Variants in SRPK2 observed in about 807,000 individuals in gnomAD.
The protein encoded by SRPK2 is SRSF protein kinase 2.
A neutral mutation model predicts 90.8 loss-of-function variants in SRPK2; 21 were observed. The ratio of observed to expected loss-of-function variants is 0.23; its 90% CI spans 0.16 to 0.33. The LOEUF (loss-of-function observed/expected upper bound fraction) is 0.33. Ranked by LOEUF, SRPK2 falls within the 10% of genes least tolerant of loss-of-function variation. The pLI, the probability that SRPK2 is intolerant of heterozygous loss-of-function variation, is 1.00. For synonymous variants in SRPK2, 288 were observed against 311.1 expected (o/e 0.93, Z 0.78); for missense variants, 620 against 869.0 (o/e 0.71, Z 3.60).
intron 3 of SRPK2, among the ~76,000 whole-genome samples, chr7:105,178,853 G>A (rs970411591): frequency 6.6e-6 from 1 of 151,844 alleles, no homozygotes; most frequent in South Asian, 2.1e-4. Flanking sequence ...TTACTTAAGG[G>A]TAAGATAAAT....
chr7:105,337,289 C>T (rs1428499345), intron 2 of SRPK2, among the ~76,000 whole-genome samples: 1 of 151,252 alleles, frequency 6.6e-6, no homozygotes, highest in Non-Finnish European at 1.5e-5. Flanking sequence ...TAGAGGAAGG[C>T]ATCAATGATA....
intron 7 of SRPK2, among the ~76,000 whole-genome samples, chr7:105,149,440 C>T (rs1002609966): frequency 1.3e-5 from 2 of 151,834 alleles, no homozygotes; most frequent in Admixed American, 6.6e-5. Flanking sequence ...TCACCCTGCC[C>T]TCCTACTACA....
chr7:105,385,993 G>A (rs1395774557), intron 2 of SRPK2, among the ~76,000 whole-genome samples: 1 of 152,132 alleles, frequency 6.6e-6, no homozygotes, highest in Non-Finnish European at 1.5e-5. Context: ...CCCAAGGTTA[G>A]CTTTGCAAGG....
intron 2 of SRPK2, among the ~76,000 whole-genome samples, chr7:105,291,994 A>G (rs545314206): frequency 1.1e-4 from 17 of 152,262 alleles, no homozygotes; most frequent in African/African-American, 4.1e-4. Context: ...GCAAAATGGA[A>G]TGCTGTTTAT....
intron 2 of SRPK2, among the ~76,000 whole-genome samples, chr7:105,331,685 G>T (rs1233728514): frequency 6.6e-6 from 1 of 152,104 alleles, no homozygotes; most frequent in Admixed American, 6.5e-5. Context: ...TCACCTCACA[G>T]AACTGAAATC....
chr7:105,143,006 C>G, intron 10 of SRPK2, 78 bp downstream of exon 10: 1 of 1,533,830 alleles, frequency 6.5e-7, no homozygotes, highest in South Asian at 1.3e-5. Context: ...CACAAATCAG[C>G]CCCCATGTTG....
rs371054363 is a variant in SRPK2 at position 105,259,609 on chromosome 7, G to A, written c.72-55824C>T. Among the ~76,000 whole-genome samples the A allele has an allele frequency of 2.2e-4, 33 of 152,264 alleles. 1 individual carries two copies. The East Asian group carries it at 3.7e-3, about 17-fold the overall frequency. ...CCTAAGCAAAAAGAACAAAGCTGGA[G>A]GCATCACACTACCTGACTTCAAACT... On this transcript the variant is annotated intron_variant, in intron 2 of 15. Transcript: ENST00000393651.
At chr7:105,331,337 A>AAAAAAAAAAAAAAAAAAAAAC (rs1554512429) in intron 2 of SRPK2, among the ~76,000 whole-genome samples, 6 of 141,828 alleles carry the variant, frequency 4.2e-5, no homozygotes, top group Non-Finnish European at 7.6e-5. Context: ...AAAAAAAAAA[A>AAAAAAAAAAAAAAAAAAAAAC]CAAATAGTTA....
Position 105,248,971 on chromosome 7 carries a change from G to A in SRPK2, c.72-45186C>T, listed in dbSNP as rs537383158. ...AAGGTTAAACCAGGCTGGTCTAGGA[G>A]AGGGTGGAAAATAACAAAACTGTCA... On this transcript the variant is annotated intron_variant, in intron 2 of 15. Coordinates refer to ENST00000393651, the MANE Select transcript of SRPK2 (RefSeq NM_182692.3). Among the ~76,000 whole-genome samples the A allele has an allele frequency of 3.9e-5, 6 of 152,002 alleles. No homozygotes were observed. In the South Asian group the frequency reaches 1.2e-3, roughly 32 times the overall value.
intron 2 of SRPK2, among the ~76,000 whole-genome samples, chr7:105,247,886 T>C (rs1247542834): frequency 6.6e-6 from 1 of 151,698 alleles, no homozygotes; most frequent in South Asian, 2.1e-4. Flanking sequence ...TTTTTTTTTT[T>C]TGAGACAGAG....
In SRPK2 at chr7:105,143,014, T is replaced by C. The variant is rs547669666; in HGVS notation, c.1060+70A>G. The stretch of plus-strand genomic sequence containing the variant: ...GCAGCAGCACAAATCAGCCCCCATG[T>C]TGACCTGGCAGAACCCTACTAATGG... On this transcript the variant is annotated intron_variant, in intron 10 of 15. Transcript: ENST00000393651. 3.2e-5 allele frequency: 50 copies of C among 1,551,166 alleles called. No individual in the cohort carries two copies. The African/African-American group carries it at 5.0e-4, about 15-fold the overall frequency.
rs183549960 is a variant in SRPK2, at chr7:105,224,710, C to T, written c.72-20925G>A. 2.5e-3 allele frequency among the ~76,000 whole-genome samples: 375 copies of T among 152,314 alleles called. 1 individual carries two copies. The highest frequency in any genetic ancestry group is 8.7e-3 in the African/African-American group (362 of 41,568). ...GTTGGCTCAAGTTTCAGTTTCCCCT[C>T]ATCTTCCATTTTAAAACACTTAGAA... On this transcript the variant is annotated intron_variant, in intron 2 of 15. Coordinates refer to ENST00000393651, the MANE Select transcript of SRPK2 (RefSeq NM_182692.3).
chr7:105,217,696 G>C (rs769805659), intron 2 of SRPK2, among the ~76,000 whole-genome samples: 4 of 152,100 alleles, frequency 2.6e-5, no homozygotes, highest in Non-Finnish European at 4.4e-5. Context: ...TTATTTACTT[G>C]TTCAAGAAAT....
At chr7:105,253,875 T>C (rs1287270965) in intron 2 of SRPK2, among the ~76,000 whole-genome samples, 1 of 148,396 alleles carries the variant, frequency 6.7e-6, no homozygotes, top group Admixed American at 6.9e-5. Context: ...AGAATCTTAA[T>C]TCCTGTACAT....
chr7:105,245,533 G>C (rs1585334629), intron 2 of SRPK2, among the ~76,000 whole-genome samples: 1 of 152,184 alleles, frequency 6.6e-6, no homozygotes, highest in African/African-American at 2.4e-5. Context: ...AGAGAGGCTA[G>C]TGAACAATAT....
At chr7:105,145,340 G>A in intron 8 of SRPK2, 32 bp from the exon 9 acceptor site, 3 of 1,547,368 alleles carry the variant, frequency 1.9e-6, no homozygotes, top group Non-Finnish European at 2.6e-6. Flanking sequence ...TCTGTATTTA[G>A]CAGAAAACAG....
intron 2 of SRPK2, among the ~76,000 whole-genome samples, chr7:105,222,510 A>G (rs959834144): frequency 1.3e-5 from 2 of 152,272 alleles, no homozygotes; most frequent in Non-Finnish European, 2.9e-5. Context: ...TTTTAAGCAG[A>G]AAATAGTTTT....
intron 2 of SRPK2, among the ~76,000 whole-genome samples, chr7:105,233,084 G>A (rs1585278996): frequency 8.7e-6 from 1 of 115,458 alleles, no homozygotes; most frequent in South Asian, 3.6e-4. Flanking sequence ...GGAAGGAAAG[G>A]AAGGAAAGAA....
At chr7:105,205,493 TCATTCTCTCTCTCTCTCTCTCTCTCAC>T in intron 2 of SRPK2, among the ~76,000 whole-genome samples, 1 of 138,710 alleles carries the variant, frequency 7.2e-6, no homozygotes, top group Non-Finnish European at 1.5e-5. Context: ...AGAATAATAT[TCATTCTCTCTCTCTCTCTCTCTCTCAC>T]ACACACACAC....
Sources: allele counts gnomAD v4.1 joint callset (sites outside exome capture counted in the v4.1 genomes callset), GRCh38; gene constraint gnomAD v4.1.1; transcripts MANE v1.5; gene names NCBI Gene and HGNC (gene_info 2026-07-23, HGNC 2026-07-21).